Variants in FYN observed in about 807,000 individuals in gnomAD.
FYN encodes FYN proto-oncogene, Src family tyrosine kinase.
FYN carries 10 observed loss-of-function variants against 70.2 expected under a neutral mutation model. That is an observed-to-expected ratio of 0.14 (90% CI 0.09 to 0.24). The LOEUF (loss-of-function observed/expected upper bound fraction) is 0.24. FYN is among the 10% of genes least tolerant of loss of function. FYN has a pLI of 1.00. For synonymous variants in FYN, 236 were observed against 248.6 expected, an observed-to-expected ratio of 0.95 and a Z score of 0.48; for missense variants, 319 against 673.1, an observed-to-expected ratio of 0.47 and a Z score of 5.82.
intron 1 of FYN, among the ~76,000 whole-genome samples, chr6:111,860,172 C>T (rs923257333): frequency 1.3e-5 from 2 of 152,126 alleles, no homozygotes; most frequent in Admixed American, 6.5e-5. Context: ...TTGTGTTAAG[C>T]CGAGTTTGTG....
At chr6:111,750,739 T>C (rs959077449) in intron 3 of FYN, among the ~76,000 whole-genome samples, 2 of 144,816 alleles carry the variant, frequency 1.4e-5, no homozygotes, top group Admixed American at 7.0e-5. Flanking sequence ...TTTTTTTTAC[T>C]AACATTGAAG....
chr6:111,700,822 T>C (rs1799799356), intron 8 of FYN, among the ~76,000 whole-genome samples: 1 of 152,118 alleles, frequency 6.6e-6, no homozygotes, highest in Admixed American at 6.5e-5. Context: ...TAGTGGAGGA[T>C]CCTTCTATAG....
intron 3 of FYN, among the ~76,000 whole-genome samples, chr6:111,773,370 C>G (rs1477088742): frequency 1.6e-3 from 7 of 4,290 alleles, no homozygotes; most frequent in Non-Finnish European, 1.9e-3. Context: ...GAGGGAGAGG[C>G]AGAGGAGGAG....
chr6:111,694,394 A>G lies in FYN; in HGVS notation c.1254T>C (p.Asn418=), dbSNP rs1179994869. ...GCCCACCTTGTCTTGCTGTGTACTCATTGTCTTCTATCAATCGGGCCAATC... is the reference window on the plus strand; with the variant it reads ...GCCCACCTTGTCTTGCTGTGTACTCGTTGTCTTCTATCAATCGGGCCAATC... ...DFGLARLIED[N]EYTARQGAKF... The change falls in exon 12 of 14, where the codon AAT becomes AAC. Residue 418 remains asparagine (N), a synonymous_variant. Coordinates refer to ENST00000354650, the MANE Select transcript of FYN (RefSeq NM_002037.5). This position sits in a 1 kb window ranked among gnomAD's most constrained non-coding sequence, Gnocchi z 5.0. 4 of 1,614,130 alleles carry G rather than the reference A, an allele frequency of 2.5e-6. No individual in the cohort carries two copies. The highest frequency in any genetic ancestry group is 3.3e-5 in the Admixed American group (2 of 60,016).
chr6:111,834,898 C>T (rs1773129134), intron 2 of FYN, among the ~76,000 whole-genome samples: 1 of 152,168 alleles, frequency 6.6e-6, no homozygotes, highest in Non-Finnish European at 1.5e-5. Context: ...CAGACCTACC[C>T]ATCTCTCAGA....
intron 2 of FYN, among the ~76,000 whole-genome samples, chr6:111,828,535 A>C (rs1772909653): frequency 6.6e-6 from 1 of 152,206 alleles, no homozygotes; most frequent in Non-Finnish European, 1.5e-5. Flanking sequence ...GAATGCAAAC[A>C]AAATATGGTC....
intron 12 of FYN, among the ~76,000 whole-genome samples, chr6:111,686,930 A>G (rs1418946495): frequency 6.6e-6 from 1 of 152,266 alleles, no homozygotes; most frequent in African/African-American, 2.4e-5. Flanking sequence ...ACAGGAATTG[A>G]ATTCACAGTT....
chr6:111,749,747 T>G (rs141659644), intron 3 of FYN, among the ~76,000 whole-genome samples: 1 of 152,334 alleles, frequency 6.6e-6, no homozygotes, highest in Non-Finnish European at 1.5e-5. Flanking sequence ...ACAATTATAA[T>G]AGGGTAAAAC....
chr6:111,730,942 C>T (rs1801419440), intron 3 of FYN, among the ~76,000 whole-genome samples: 1 of 152,186 alleles, frequency 6.6e-6, no homozygotes, highest in Admixed American at 6.5e-5. Context: ...AGTGGCAGAG[C>T]CTAGCTTTCT....
chr6:111,845,762 T>C (rs574387919), intron 2 of FYN, among the ~76,000 whole-genome samples: 30 of 151,904 alleles, frequency 2.0e-4, no homozygotes, highest in Non-Finnish European at 3.8e-4. Flanking sequence ...TTGGGCAGAG[T>C]AGTGGGGGCC....
chr6:111,696,254 A>G, intron 10 of FYN, 23 bp downstream of exon 10: 1 of 1,585,320 alleles, frequency 6.3e-7, no homozygotes, highest in Non-Finnish European at 8.6e-7. Context: ...TGTGAGCTGG[A>G]GACAGGAGAG....
chr6:111,871,275 C>A (rs908805482), intron 1 of FYN, among the ~76,000 whole-genome samples: 10 of 152,216 alleles, frequency 6.6e-5, no homozygotes, highest in Non-Finnish European at 1.2e-4. Context: ...AGTTCATAGC[C>A]AAGTGGCCTC....
intron 7 of FYN, among the ~76,000 whole-genome samples, chr6:111,703,450 T>G (rs1179373747): frequency 6.6e-6 from 1 of 152,196 alleles, no homozygotes; most frequent in Non-Finnish European, 1.5e-5. Context: ...AATCTAAGGC[T>G]TGTTTCTCTA....
chr6:111,822,934 G>A lies in FYN; in HGVS notation c.-82+23655C>T, dbSNP rs540285775. On this transcript the variant is annotated intron_variant, in intron 2 of 13. Coordinates refer to ENST00000354650, the MANE Select transcript of FYN (RefSeq NM_002037.5). ...AGAAAGCTCTAATTTCCACATGGCT[G>A]CTACAGTGGAACAGCAGCAGTGGAA... Among the ~76,000 whole-genome samples, 11 of 152,232 alleles carry A rather than the reference G, an allele frequency of 7.2e-5. No homozygotes were observed. The East Asian group carries it at 1.7e-3, about 24-fold the overall frequency.
intron 4 of FYN, 137 bp downstream of exon 4, chr6:111,719,668 C>G: frequency 1.0e-6 from 1 of 975,000 alleles, no homozygotes. Context: ...AACCCCTCAT[C>G]TAGTAGAGGA....
chr6:111,856,483 ATAAT>A (rs1179423022), intron 1 of FYN, among the ~76,000 whole-genome samples: 2 of 152,166 alleles, frequency 1.3e-5, no homozygotes, highest in African/African-American at 4.8e-5. Flanking sequence ...GGAGTGAAAA[ATAAT>A]TACTTATGTT....
chr6:111,728,617 T>C (rs528050525), intron 3 of FYN, among the ~76,000 whole-genome samples: 1 of 152,340 alleles, frequency 6.6e-6, no homozygotes, highest in East Asian at 1.9e-4. Context: ...TCTTTTGTGA[T>C]TGGCTTCCTT....
chr6:111,827,447 C>T (rs571849019), intron 2 of FYN, among the ~76,000 whole-genome samples: 77 of 152,210 alleles, frequency 5.1e-4, no homozygotes, highest in African/African-American at 1.8e-3. Context: ...AAAACCATTC[C>T]GGCTCATGCC....
chr6:111,862,193 C>G (rs1018281375), intron 1 of FYN, among the ~76,000 whole-genome samples: 17 of 152,198 alleles, frequency 1.1e-4, no homozygotes, highest in Non-Finnish European at 2.5e-4. Flanking sequence ...TCTCTCTGCT[C>G]TTGGATGTCA....
Sources: gnomAD v4.1 joint callset for allele counts (sites outside exome capture counted in the v4.1 genomes callset) on GRCh38, gnomAD v4.1.1 for gene constraint, Gnocchi (gnomAD v3.1) non-coding constraint, MANE v1.5 for transcripts, NCBI Gene and HGNC (gene_info 2026-07-23, HGNC 2026-07-21) for gene names.